The following PCLO variants were observed in gnomAD, a reference collection of about 807,000 sequenced individuals.
The protein encoded by PCLO is piccolo presynaptic cytomatrix protein.
PCLO carries 82 observed loss-of-function variants against 427.5 expected under a neutral mutation model. The observed-to-expected ratio is 0.19, with a 90% CI of 0.16 to 0.23. The LOEUF (loss-of-function observed/expected upper bound fraction) is 0.23, where lower values mean the gene tolerates loss of function less well. PCLO is among the 10% of genes least tolerant of loss of function. PCLO has a pLI of 1.00. For missense variants in PCLO, 6,239 were observed against 6,115.9 expected, an observed-to-expected ratio of 1.02 and a Z score of -0.67; for synonymous variants, 2,357 against 2,155.4, an observed-to-expected ratio of 1.09 and a Z score of -2.59.
chr7:82,911,779 C>T (rs11489690), intron 7 of PCLO, among the ~76,000 whole-genome samples: 46,299 of 151,716 alleles, frequency 0.31, 8,109 homozygotes, highest in East Asian at 0.6. Context: ...TGTGCCACTA[C>T]GCCCAGCTAA....
At chr7:83,040,285 A>G (rs1389232970) in intron 3 of PCLO, among the ~76,000 whole-genome samples, 2 of 152,106 alleles carry the variant, frequency 1.3e-5, no homozygotes, top group Non-Finnish European at 2.9e-5. Flanking sequence ...CTCTGTCCAC[A>G]ATGTGAAACC....
chr7:83,095,314 TGATA>T, intron 3 of PCLO, among the ~76,000 whole-genome samples: 1 of 152,196 alleles, frequency 6.6e-6, no homozygotes, highest in East Asian at 1.9e-4. Context: ...GTTTCATTAC[TGATA>T]GTGGTAATTT....
intron 6 of PCLO, among the ~76,000 whole-genome samples, chr7:82,925,879 C>T (rs1027715382): frequency 2.0e-5 from 3 of 151,678 alleles, no homozygotes; most frequent in African/African-American, 4.8e-5. Flanking sequence ...CCATGCCTAG[C>T]TAATTTTTAT....
At chr7:83,124,883 T>G (rs1791388261) in intron 3 of PCLO, among the ~76,000 whole-genome samples, 2 of 152,062 alleles carry the variant, frequency 1.3e-5, no homozygotes, top group South Asian at 4.2e-4. Flanking sequence ...GCCTGCCGAG[T>G]GCCTGGGATT....
chr7:83,014,294 A>G (rs1473418308), intron 3 of PCLO, among the ~76,000 whole-genome samples: 1 of 152,158 alleles, frequency 6.6e-6, no homozygotes, highest in Non-Finnish European at 1.5e-5. Flanking sequence ...ATCCTGTTCT[A>G]CCGTCAAAAT....
At chr7:83,096,158 TAG>T (rs1432905761) in intron 3 of PCLO, among the ~76,000 whole-genome samples, 1 of 152,158 alleles carries the variant, frequency 6.6e-6, no homozygotes, top group Admixed American at 6.6e-5. Context: ...TCATAAGTTT[TAG>T]AGTGTTTTTC....
At position 82,836,553 on chromosome 7, in the gene PCLO, A is replaced by G. The variant is rs539946038; in HGVS notation, c.14223-860T>C. Among the ~76,000 whole-genome samples the G allele has an allele frequency of 2.5e-4, 38 of 152,338 alleles. No individual in the cohort carries two copies. The South Asian group carries it at 5.0e-3, about 20-fold the overall frequency. On this transcript the variant is annotated intron_variant, in intron 15 of 24. Transcript: ENST00000333891. The stretch of plus-strand genomic sequence containing the variant: ...AATTATTGGTTTTTCAAAATGTTCA[A>G]TAAAGTAAAACTAGAGCAACCATAC...
intron 9 of PCLO, among the ~76,000 whole-genome samples, chr7:82,882,995 T>A (rs967399630): frequency 6.6e-6 from 1 of 152,102 alleles, no homozygotes; most frequent in Non-Finnish European, 1.5e-5. Flanking sequence ...ATTAGAACAT[T>A]ACATTTGGAT....
rs756103878 is a variant in PCLO at position 82,950,685 on chromosome 7, T to C, written c.9903A>G (p.Gln3301=). The C allele has an allele frequency of 9.3e-6, 15 of 1,613,548 alleles. No individual in the cohort carries two copies. In the Admixed American group the frequency reaches 2.3e-4, roughly 25 times the overall value. ...LQLEQIQQLQ[Q]QLHQQLEEQK... is the part of the protein sequence containing the mutation. ...GCTCCTCCAGCTGCTGGTGAAGCTG[T>C]TGTTGCAGCTGTTGGATCTGCTCAA... Residue 3301 remains glutamine (Q), a synonymous_variant, in exon 6 of 25, where the codon CAA becomes CAG. Transcript: ENST00000333891.
chr7:82,941,057 C>T (rs1345213322), intron 6 of PCLO, among the ~76,000 whole-genome samples: 5 of 151,064 alleles, frequency 3.3e-5, no homozygotes, highest in South Asian at 2.1e-4. Flanking sequence ...CCACCGTGCC[C>T]GAATGATTTC....
At chr7:82,850,071 C>A (rs1792610200) in intron 10 of PCLO, among the ~76,000 whole-genome samples, 1 of 152,026 alleles carries the variant, frequency 6.6e-6, no homozygotes, top group African/African-American at 2.4e-5. Context: ...TGCAGTGGCA[C>A]AATCTTGGCT....
Position 83,093,472 on chromosome 7 carries a change from G to GTGTGTGTGTGTGTATA in PCLO, c.3300+40777_3300+40778insTATACACACACACACA, listed in dbSNP as rs745824155. Among the ~76,000 whole-genome samples the GTGTGTGTGTGTGTATA allele has an allele frequency of 4.9e-4, 49 of 99,136 alleles. 1 individual carries two copies. The highest frequency in any genetic ancestry group is 1.5e-3 in the African/African-American group (33 of 21,598). 65.0% of individuals were successfully genotyped at this position (99,136 alleles called of 152,430 possible). A position where few individuals can be genotyped will look rare whatever the true frequency, so the allele number is the denominator to read the frequency against. ...ACCACAAACATATATATGTGTGTGTGTATAGATATATATATATATATTTTT... is the reference window on the plus strand; with the variant it reads ...ACCACAAACATATATATGTGTGTGTGTGTGTGTGTGTGTATATATAGATATATATATATATATTTTT... On this transcript the variant is annotated intron_variant, in intron 3 of 24. Transcript: ENST00000333891.
intron 14 of PCLO, among the ~76,000 whole-genome samples, chr7:82,840,404 T>G (rs1017839623): frequency 6.6e-6 from 1 of 152,086 alleles, no homozygotes; most frequent in Admixed American, 6.6e-5. Context: ...CCTCCCTTTA[T>G]AATATTTCTT....
chr7:82,846,647 AC>A lies in PCLO; in HGVS notation c.13764-14del. 7.1e-6 allele frequency: 11 copies of A among 1,556,438 alleles called. No individual in the cohort carries two copies. Among genetic ancestry groups the A allele is most frequent in the Non-Finnish European group, 9.7e-6 (11 of 1,138,718 alleles). On this transcript the variant is annotated splice_polypyrimidine_tract_variant and intron_variant, in intron 11 of 24. Transcript: ENST00000333891. ...CATATTGAGGTCCCTAAAAATTAAA[AC>A]AAAACATTAAGAAAGATATTGAGGA...
chr7:82,964,225 A>C (rs1346377205), intron 4 of PCLO, among the ~76,000 whole-genome samples: 1 of 152,180 alleles, frequency 6.6e-6, no homozygotes, highest in Non-Finnish European at 1.5e-5. Flanking sequence ...ATTGTGGAGA[A>C]CAAAGGACAG....
In PCLO at chr7:83,162,860, C is replaced by G. The variant is rs1792485632; in HGVS notation, c.-268G>C. On this transcript the variant is annotated 5_prime_UTR_variant, in exon 1 of 25. Transcript: ENST00000333891. ...ACACCTCCCGGACGCCGCCTCGGCGCCCCGAGCCGGGGAGAAGCAGATCTG... is the reference window on the plus strand; with the variant it reads ...ACACCTCCCGGACGCCGCCTCGGCGGCCCGAGCCGGGGAGAAGCAGATCTG... 2.0e-6 allele frequency: 1 copy of G among 504,168 alleles called. No homozygotes were observed. Among genetic ancestry groups the G allele is most frequent in the Non-Finnish European group, 3.5e-6 (1 of 288,454 alleles). The allele number at this position is 504,168 out of a possible 1,614,324, so 31.2% of individuals were successfully genotyped here. A position where few individuals can be genotyped will look rare whatever the true frequency, so the allele number is the denominator to read the frequency against.
At chr7:82,994,055 A>G (rs1796439323) in intron 3 of PCLO, among the ~76,000 whole-genome samples, 1 of 152,122 alleles carries the variant, frequency 6.6e-6, no homozygotes, top group Non-Finnish European at 1.5e-5. Flanking sequence ...GGCATTTAAA[A>G]TATCGAAATA....
At chr7:82,860,038 A>C (rs372406496) in intron 10 of PCLO, among the ~76,000 whole-genome samples, 3 of 152,144 alleles carry the variant, frequency 2.0e-5, no homozygotes, top group East Asian at 1.9e-4. Flanking sequence ...AGACAAAAAA[A>C]GAGAGAATTT....
intron 22 of PCLO, among the ~76,000 whole-genome samples, chr7:82,780,164 C>T (rs1303863751): frequency 6.6e-6 from 1 of 152,124 alleles, no homozygotes; most frequent in Non-Finnish European, 1.5e-5. Flanking sequence ...GTGAATAGTG[C>T]CTCTTGAAAT....
Sources: gnomAD v4.1 joint callset for allele counts (sites outside exome capture counted in the v4.1 genomes callset) on GRCh38, gnomAD v4.1.1 for gene constraint, MANE v1.5 for transcripts, NCBI Gene and HGNC (gene_info 2026-07-23, HGNC 2026-07-21) for gene names.